SP140: variants seen among roughly 807,000 people sequenced by gnomAD.
SP140 encodes the protein nuclear body protein SP140.
Under a neutral mutation model 125.0 loss-of-function variants are expected in SP140, and 81 were observed. The ratio of observed to expected loss-of-function variants is 0.65; its 90% CI spans 0.54 to 0.78. The LOEUF (loss-of-function observed/expected upper bound fraction) is 0.78, where lower values mean the gene tolerates loss of function less well. SP140 is among the 30% of genes least tolerant of loss of function. The pLI, the probability that SP140 is intolerant of heterozygous loss-of-function variation, is 0.00. For missense variants in SP140, 858 were observed against 1,037.0 expected (o/e 0.83, Z 2.37); for synonymous variants, 312 against 354.0 (o/e 0.88, Z 1.33).
At chr2:230,289,967 A>G (rs1173185173) in intron 18 of SP140, among the ~76,000 whole-genome samples, 1 of 152,204 alleles carries the variant, frequency 6.6e-6, no homozygotes, top group Non-Finnish European at 1.5e-5. Context: ...AGAGAAATGA[A>G]CTAAAGGAGA....
intron 22 of SP140, among the ~76,000 whole-genome samples, chr2:230,302,429 A>G (rs1397956550): frequency 6.6e-6 from 1 of 152,154 alleles, no homozygotes; most frequent in Non-Finnish European, 1.5e-5. Flanking sequence ...ACTAGACCTA[A>G]GAAATGAGAT....
the SP140 span, among the ~76,000 whole-genome samples, chr2:230,191,454 A>G: frequency 6.6e-6 from 1 of 152,230 alleles, no homozygotes; most frequent in Non-Finnish European, 1.5e-5. Context: ...GGGGAATATC[A>G]TCACTGATCC....
upstream of SP140, among the ~76,000 whole-genome samples, chr2:230,224,033 G>C (rs536352561): frequency 7.0e-4 from 106 of 152,350 alleles, no homozygotes; most frequent in Admixed American, 1.9e-3. Flanking sequence ...TTACCCAGGA[G>C]AGGTTCTGTA....
chr2:230,297,432 G>A lies in SP140; in HGVS notation c.2028G>A (p.Lys676=). ...IRYRKKKRIL[K]SQNNSSVDPC... ...TGTTTTTTCAACAGAGAATACTGAA[G>A]TCTCAAAACAATAGCTCAGTTGACC... The change falls in exon 22 of 27, where the codon AAG becomes AAA. Residue 676 remains lysine (K), a synonymous_variant. Coordinates refer to ENST00000392045, the MANE Select transcript of SP140 (RefSeq NM_007237.5). 6.2e-7 allele frequency: 1 copy of A among 1,613,868 alleles called. No individual in the cohort carries two copies.
At chr2:230,243,635 T>G in intron 4 of SP140, 96 bp from the exon 5 acceptor site, 1 of 966,030 alleles carries the variant, frequency 1.0e-6, no homozygotes, top group Non-Finnish European at 1.6e-6. Context: ...TTCCAGATTA[T>G]CAGGTTTTCT....
rs144670671 is a variant in SP140, at chr2:230,276,783, G to A, written c.1498+6144G>A. Among the ~76,000 whole-genome samples, 141 of 152,232 alleles carry A rather than the reference G, an allele frequency of 9.3e-4. 2 individuals are homozygous for A. Among genetic ancestry groups the A allele is most frequent in the African/African-American group, 3.2e-3 (131 of 41,558 alleles). On this transcript the variant is annotated intron_variant, in intron 15 of 26. Coordinates refer to ENST00000392045, the MANE Select transcript of SP140 (RefSeq NM_007237.5). Reference sequence around the variant, plus strand: ...TAACATTCATGATATATGAGAGGAGGTCAAAATATCAACATTAACAGGAAT... The same window carrying A: ...TAACATTCATGATATATGAGAGGAGATCAAAATATCAACATTAACAGGAAT...
At chr2:230,244,959 T>C (rs2049219081) in intron 5 of SP140, 29 bp from the exon 6 acceptor site, 1 of 1,515,786 alleles carries the variant, frequency 6.6e-7, no homozygotes. Flanking sequence ...AGGTCTGTGC[T>C]CTCATCACTG....
intron 15 of SP140, among the ~76,000 whole-genome samples, chr2:230,271,130 C>T (rs2053859167): frequency 6.6e-6 from 1 of 152,182 alleles, no homozygotes; most frequent in Non-Finnish European, 1.5e-5. Flanking sequence ...TCACACTTCT[C>T]ACTGACATAA....
At chr2:230,302,507 C>G (rs1489782681) in intron 22 of SP140, among the ~76,000 whole-genome samples, 2 of 152,210 alleles carry the variant, frequency 1.3e-5, no homozygotes, top group Non-Finnish European at 2.9e-5. Context: ...GTCATCAAGA[C>G]AGAAAGTCAA....
intron 1 of SP140, among the ~76,000 whole-genome samples, chr2:230,229,595 G>C (rs924790308): frequency 1.3e-5 from 2 of 148,544 alleles, no homozygotes; most frequent in African/African-American, 5.0e-5. Flanking sequence ...AGCCTCCTGA[G>C]TAGCTGGGAC....
intron 1 of SP140, chr2:230,212,703 A>G: frequency 6.2e-7 from 1 of 1,604,494 alleles, no homozygotes; most frequent in Non-Finnish European, 8.5e-7. Flanking sequence ...TGGCGGCAAC[A>G]TGGCACAGGC....
At chr2:230,249,022 G>A (rs2049943115) in intron 9 of SP140, 54 bp downstream of exon 9, 1 of 1,457,712 alleles carries the variant, frequency 6.9e-7, no homozygotes, top group African/African-American at 1.4e-5. Flanking sequence ...TTTCTAGTTG[G>A]CATGGAAAAA....
At chr2:230,298,571 T>C (rs1343815947) in intron 22 of SP140, among the ~76,000 whole-genome samples, 1 of 152,152 alleles carries the variant, frequency 6.6e-6, no homozygotes, top group African/African-American at 2.4e-5. Context: ...CAGCCAGATA[T>C]GTGTGGGGAG....
At chr2:230,210,971 A>G (rs1235256382) in intron 1 of SP140, among the ~76,000 whole-genome samples, 4 of 152,194 alleles carry the variant, frequency 2.6e-5, no homozygotes, top group Non-Finnish European at 4.4e-5. Context: ...TGCTGCAGCA[A>G]TTCACTATTA....
At chr2:230,247,496 G>A (rs191779889) in intron 7 of SP140, among the ~76,000 whole-genome samples, 92 of 152,152 alleles carry the variant, frequency 6.0e-4, no homozygotes, top group Middle Eastern at 3.4e-3. Context: ...CAAAAACTCT[G>A]GTAAGATCTC....
intron 1 of SP140, chr2:230,203,504 G>A (rs1008684010): frequency 6.6e-6 from 1 of 152,410 alleles, no homozygotes; most frequent in Non-Finnish European, 1.5e-5. Context: ...GGGCGGAAGC[G>A]AAAGCCCGGT....
At position 230,248,789 on chromosome 2, in the gene SP140, G is replaced by A. The variant is rs1280590221; in HGVS notation, c.893-96G>A. The A allele has an allele frequency of 1.4e-5, 13 of 908,860 alleles. No individual in the cohort carries two copies. The African/African-American group carries it at 2.0e-4, about 14-fold the overall frequency. The allele number at this position is 908,860 out of a possible 1,614,324, so 56.3% of individuals were successfully genotyped here. ...AGAAAAGGCGGAACAAGACAGGGGT[G>A]GCTCTCAGCATTTGCCCATCTTGGA... is the stretch of plus-strand genomic sequence containing the variant. On this transcript the variant is annotated intron_variant, in intron 8 of 26. Transcript: ENST00000392045.
intron 6 of SP140, among the ~76,000 whole-genome samples, 186 bp downstream of exon 6, chr2:230,245,266 T>G (rs1333904453): frequency 6.6e-6 from 1 of 152,148 alleles, no homozygotes; most frequent in African/African-American, 2.4e-5. Flanking sequence ...GAGGGGCTCC[T>G]GGGCAGAGAG....
At chr2:230,278,341 G>A (rs1437900010) in intron 15 of SP140, among the ~76,000 whole-genome samples, 1 of 151,828 alleles carries the variant, frequency 6.6e-6, no homozygotes, top group Non-Finnish European at 1.5e-5. Context: ...ACATGCTTTT[G>A]TTTTGTTTTG....
Sources: gnomAD v4.1 joint callset for allele counts (sites outside exome capture counted in the v4.1 genomes callset) on GRCh38, gnomAD v4.1.1 for gene constraint, MANE v1.5 for transcripts, NCBI Gene and HGNC (gene_info 2026-07-23, HGNC 2026-07-21) for gene names.